Variants in USP54 observed in about 807,000 individuals in gnomAD.
USP54 encodes ubiquitin carboxyl-terminal hydrolase 54.
USP54 carries 87 observed loss-of-function variants against 170.5 expected under a neutral mutation model. The ratio of observed to expected loss-of-function variants is 0.51; its 90% CI spans 0.43 to 0.61. The LOEUF (loss-of-function observed/expected upper bound fraction) is 0.61. Among genes scored for constraint, USP54 ranks in the 20% least tolerant of loss-of-function variants. USP54 has a pLI of 0.00. For missense variants in USP54, 1,786 were observed against 2,047.8 expected, an observed-to-expected ratio of 0.87 and a Z score of 2.47; for synonymous variants, 655 against 742.8, an observed-to-expected ratio of 0.88 and a Z score of 1.92.
intron 20 of USP54, among the ~76,000 whole-genome samples, chr10:73,512,225 A>G (rs533022450): frequency 6.6e-6 from 1 of 151,606 alleles, no homozygotes; most frequent in South Asian, 2.1e-4. Flanking sequence ...CCGCAGCCTC[A>G]ACCTCCCAGT....
At chr10:73,599,425 C>T (rs2078998360) in intron 1 of USP54, among the ~76,000 whole-genome samples, 1 of 152,144 alleles carries the variant, frequency 6.6e-6, no homozygotes, top group African/African-American at 2.4e-5. Context: ...CATGTTTAGT[C>T]CTTTATAATT....
chr10:73,569,544 G>A lies in USP54; in HGVS notation c.240+1877C>T, dbSNP rs892686019. Among the ~76,000 whole-genome samples the A allele has an allele frequency of 7.2e-5, 11 of 152,146 alleles. No individual in the cohort carries two copies. The East Asian group carries it at 9.7e-4, about 13-fold the overall frequency. On this transcript the variant is annotated intron_variant, in intron 4 of 23. Coordinates refer to ENST00000687698, the MANE Select transcript of USP54 (RefSeq NM_001391956.1). ...CGCCTGTAATCCCAGCACTTTGGGA[G>A]GCCGAGGCGGGCGTCACCTGAAGTC...
At chr10:73,592,755 A>G (rs2078371471), upstream of USP54, among the ~76,000 whole-genome samples, 1 of 152,236 alleles carries the variant, frequency 6.6e-6, no homozygotes, top group African/African-American at 2.4e-5. Flanking sequence ...AACCCTGATT[A>G]CAACTAGACA....
chr10:73,607,756 G>A (rs1014198500), intron 1 of USP54, among the ~76,000 whole-genome samples: 5 of 151,620 alleles, frequency 3.3e-5, no homozygotes, highest in African/African-American at 9.7e-5. Flanking sequence ...GCTTGAACCC[G>A]GGAAGCGGAG....
intron 1 of USP54, among the ~76,000 whole-genome samples, chr10:73,603,119 GCTGT>G (rs1200866434): frequency 1.3e-5 from 2 of 152,054 alleles, no homozygotes; most frequent in Non-Finnish European, 1.5e-5. Flanking sequence ...ACGCTAACAG[GCTGT>G]CTAAGGAGTA....
chr10:73,542,978 C>T (rs1197118710), intron 6 of USP54, 40 bp downstream of exon 6: 2 of 1,609,612 alleles, frequency 1.2e-6, no homozygotes, highest in Non-Finnish European at 1.7e-6. Flanking sequence ...ATAAAGTGTT[C>T]TGGAAGAAAT....
chr10:73,569,127 A>C (rs1589175592), intron 4 of USP54, among the ~76,000 whole-genome samples: 1 of 152,148 alleles, frequency 6.6e-6, no homozygotes. Context: ...GTTCTTCTAT[A>C]GGGACTTCTC....
intron 4 of USP54, among the ~76,000 whole-genome samples, chr10:73,551,431 G>T (rs1381890459): frequency 6.6e-6 from 1 of 152,188 alleles, no homozygotes; most frequent in Non-Finnish European, 1.5e-5. Context: ...ATGTCTATCA[G>T]TAACCTCTTA....
intron 1 of USP54, among the ~76,000 whole-genome samples, chr10:73,583,701 A>G (rs1328106513): frequency 6.6e-6 from 1 of 152,102 alleles, no homozygotes; most frequent in Non-Finnish European, 1.5e-5. Context: ...GTGAGCTATG[A>G]CTGTGCCACT....
chr10:73,528,696 A>C (rs150282477), intron 15 of USP54, among the ~76,000 whole-genome samples: 2 of 152,028 alleles, frequency 1.3e-5, no homozygotes, highest in Non-Finnish European at 2.9e-5. Flanking sequence ...TAGCCTCCCA[A>C]GTAATTGGGA....
intron 9 of USP54, 85 bp from the exon 10 acceptor site, chr10:73,539,678 T>A: frequency 7.1e-7 from 1 of 1,405,864 alleles, no homozygotes; most frequent in Non-Finnish European, 9.6e-7. Context: ...CAGCATTTCT[T>A]AAGTAAGGTA....
chr10:73,569,555 G>T lies in USP54; in HGVS notation c.240+1866C>A, dbSNP rs550729821. Among the ~76,000 whole-genome samples the T allele has an allele frequency of 2.0e-3, 300 of 151,934 alleles. 2 individuals are homozygous for T. The highest frequency in any genetic ancestry group is 7.0e-3 in the African/African-American group (292 of 41,434). On this transcript the variant is annotated intron_variant, in intron 4 of 23. Coordinates refer to ENST00000687698, the MANE Select transcript of USP54 (RefSeq NM_001391956.1). The stretch of plus-strand genomic sequence containing the variant: ...CCAGCACTTTGGGAGGCCGAGGCGG[G>T]CGTCACCTGAAGTCAGTGAGACCCT...
intron 1 of USP54, among the ~76,000 whole-genome samples, chr10:73,607,088 T>C (rs1387783440): frequency 6.6e-6 from 1 of 151,510 alleles, no homozygotes; most frequent in Admixed American, 6.6e-5. Context: ...GGTAGGAGGA[T>C]AGCTTGAGCC....
chr10:73,606,492 G>T (rs1244447252), intron 1 of USP54: 1 of 152,056 alleles, frequency 6.6e-6, no homozygotes, highest in Non-Finnish European at 1.5e-5. Context: ...GATGTTGAGA[G>T]AGAAACACTC....
chr10:73,545,037 A>G (rs1462688426), intron 5 of USP54, among the ~76,000 whole-genome samples: 3 of 152,020 alleles, frequency 2.0e-5, no homozygotes, highest in Non-Finnish European at 4.4e-5. Context: ...GGATTTACAG[A>G]GAGTCTTTCG....
chr10:73,532,489 C>T (rs2064230448), intron 12 of USP54, among the ~76,000 whole-genome samples: 1 of 152,092 alleles, frequency 6.6e-6, no homozygotes, highest in Admixed American at 6.6e-5. Context: ...CTAAGTCTTA[C>T]AAATGTTAAA....
intron 5 of USP54, 62 bp downstream of exon 5, chr10:73,545,476 C>G (rs2067587944): frequency 6.3e-7 from 1 of 1,588,852 alleles, no homozygotes; most frequent in African/African-American, 1.3e-5. Flanking sequence ...AGTAGCCAGT[C>G]CCTGATGGAG....
intron 5 of USP54, 58 bp from the exon 6 acceptor site, chr10:73,543,189 A>C: frequency 1.6e-6 from 2 of 1,235,666 alleles, no homozygotes; most frequent in Non-Finnish European, 2.4e-6. Flanking sequence ...AAATACATAA[A>C]TTGGTAAGCA....
At chr10:73,620,637 C>T (rs2081016602) in intron 1 of USP54, among the ~76,000 whole-genome samples, 1 of 148,594 alleles carries the variant, frequency 6.7e-6, no homozygotes, top group Non-Finnish European at 1.5e-5. Context: ...AAGCCATTTA[C>T]AAAGATATAA....
Sources: gnomAD v4.1 joint callset for allele counts (sites outside exome capture counted in the v4.1 genomes callset) on GRCh38, gnomAD v4.1.1 for gene constraint, MANE v1.5 for transcripts, NCBI Gene and HGNC (gene_info 2026-07-23, HGNC 2026-07-21) for gene names.